Variants in ATL1 observed in about 807,000 individuals in gnomAD.
The protein encoded by ATL1 is atlastin GTPase 1.
Under a neutral mutation model 75.5 loss-of-function variants are expected in ATL1, and 31 were observed. That is an observed-to-expected ratio of 0.41 (90% CI 0.31 to 0.55). ATL1 has a LOEUF of 0.55. ATL1 is among the 20% of genes least tolerant of loss of function. The probability of loss-of-function intolerance (pLI) is 0.27; values close to 1 mark genes in which losing one functional copy is unlikely to be tolerated. For missense variants in ATL1, 405 were observed against 662.6 expected, an observed-to-expected ratio of 0.61 and a Z score of 4.27; for synonymous variants, 226 against 233.3, an observed-to-expected ratio of 0.97 and a Z score of 0.28.
chr14:50,584,900 GA>G (rs1455761725), intron 1 of ATL1, among the ~76,000 whole-genome samples: 106 of 151,946 alleles, frequency 7.0e-4, no homozygotes, highest in Non-Finnish European at 8.8e-5. Context: ...TAAGGAAAAT[GA>G]AAAGGCAAAC....
chr14:50,626,852 C>T (rs2039525729), intron 11 of ATL1, among the ~76,000 whole-genome samples: 1 of 152,192 alleles, frequency 6.6e-6, no homozygotes, highest in Non-Finnish European at 1.5e-5. Flanking sequence ...CTTATTTCTT[C>T]TAACTGCTTT....
rs115722924 is a variant in ATL1 at position 50,587,817 on chromosome 14, G to A, written c.35-14G>A. 1.5e-3 allele frequency: 2,423 copies of A among 1,614,164 alleles called. 26 individuals carry two copies. In the African/African-American group the frequency reaches 0.028, roughly 19 times the overall value. ...GAGATGATTAGCTGAACCAGTCACT[G>A]CTCTGTTCAACAGGTGGATTTTCGG... is the stretch of plus-strand genomic sequence containing the variant. On this transcript the variant is annotated splice_polypyrimidine_tract_variant and intron_variant, in intron 1 of 13. Coordinates refer to ENST00000358385, the MANE Select transcript of ATL1 (RefSeq NM_015915.5).
chr14:50,568,419 C>A (rs1282144669), intron 1 of ATL1, among the ~76,000 whole-genome samples: 1 of 151,986 alleles, frequency 6.6e-6, no homozygotes, highest in Non-Finnish European at 1.5e-5. Flanking sequence ...AAAAAAAAAC[C>A]AGTTCTTTGT....
At chr14:50,582,710 G>C (rs2039068295) in intron 1 of ATL1, among the ~76,000 whole-genome samples, 1 of 151,646 alleles carries the variant, frequency 6.6e-6, no homozygotes, top group South Asian at 2.1e-4. Context: ...ACAAGTGTAA[G>C]CCACCATGCC....
At chr14:50,629,902 C>A (rs796952643) in intron 12 of ATL1, 93 bp from the exon 13 acceptor site, 1 of 956,288 alleles carries the variant, frequency 1.0e-6, no homozygotes, top group South Asian at 1.7e-5. Context: ...GAAATGCTCA[C>A]AAATTAATAT....
chr14:50,593,794 G>A (rs111699057), intron 4 of ATL1, 52 bp from the exon 5 acceptor site: 19 of 1,208,644 alleles, frequency 1.6e-5, no homozygotes, highest in Non-Finnish European at 2.0e-5. Context: ...TGAAGTAAGT[G>A]CTTAGGATGA....
upstream of ATL1, among the ~76,000 whole-genome samples, chr14:50,558,773 C>G (rs1028679639): frequency 4.6e-5 from 7 of 152,158 alleles, no homozygotes; most frequent in Non-Finnish European, 1.0e-4. Context: ...CCACACTTCT[C>G]TTTTGTTCTA....
chr14:50,583,921 A>G (rs770276921), intron 1 of ATL1, among the ~76,000 whole-genome samples: 72 of 152,152 alleles, frequency 4.7e-4, no homozygotes, highest in Admixed American at 2.0e-3. Context: ...CTTACTTATG[A>G]CAAAGATCTC....
chr14:50,601,546 C>T (rs775462174), intron 6 of ATL1, among the ~76,000 whole-genome samples: 1 of 152,154 alleles, frequency 6.6e-6, no homozygotes, highest in Non-Finnish European at 1.5e-5. Context: ...ATGACGTCAA[C>T]CAACTTGCAA....
chr14:50,549,452 A>T (rs1006672102), intron 1 of ATL1, among the ~76,000 whole-genome samples: 2 of 152,080 alleles, frequency 1.3e-5, no homozygotes, highest in African/African-American at 4.8e-5. Flanking sequence ...TACAACCTCC[A>T]CAGGACTGAC....
chr14:50,608,856 G>C (rs2039337985), intron 6 of ATL1, among the ~76,000 whole-genome samples: 1 of 151,892 alleles, frequency 6.6e-6, no homozygotes, highest in Non-Finnish European at 1.5e-5. Flanking sequence ...ATTATATTTT[G>C]ACAAAAATTG....
At chr14:50,575,435 T>C (rs2038997215) in intron 1 of ATL1, among the ~76,000 whole-genome samples, 1 of 152,176 alleles carries the variant, frequency 6.6e-6, no homozygotes, top group South Asian at 2.1e-4. Flanking sequence ...ATATCTCTAC[T>C]GTTGCTCTAA....
chr14:50,561,761 A>G (rs2038848287), intron 1 of ATL1, among the ~76,000 whole-genome samples: 1 of 152,196 alleles, frequency 6.6e-6, no homozygotes, highest in African/African-American at 2.4e-5. Flanking sequence ...CTTCAGTTTT[A>G]ACAGACCTAC....
chr14:50,581,780 T>C (rs1490897193), intron 1 of ATL1, among the ~76,000 whole-genome samples: 3 of 152,186 alleles, frequency 2.0e-5, no homozygotes, highest in African/African-American at 7.2e-5. Context: ...TTAAAAAGAA[T>C]GTGTGGTTCT....
rs2039537732 is a variant in ATL1, at chr14:50,627,999, T to C, written c.1120-32T>C. On this transcript the variant is annotated intron_variant, in intron 11 of 13. Coordinates refer to ENST00000358385, the MANE Select transcript of ATL1 (RefSeq NM_015915.5). ...TACAGTTGCCAATTTTACTCTGCATTGCATAAACAAATACTTCTCTATCTG... is the reference window on the plus strand; with the variant it reads ...TACAGTTGCCAATTTTACTCTGCATCGCATAAACAAATACTTCTCTATCTG... The C allele has an allele frequency of 2.5e-6, 4 of 1,612,254 alleles. No homozygotes were observed. The East Asian group carries it at 6.7e-5, about 27-fold the overall frequency.
intron 1 of ATL1, among the ~76,000 whole-genome samples, chr14:50,542,298 T>TGGGGGGGGGGGGGGGGG (rs2038575088): frequency 1.3e-5 from 1 of 78,068 alleles, no homozygotes; most frequent in Non-Finnish European, 2.5e-5. Context: ...GGGGAGGGGG[T>TGGGGGGGGGGGGGGGGG]TGGGGGCAAG....
At chr14:50,569,832 A>G (rs558511370) in intron 1 of ATL1, among the ~76,000 whole-genome samples, 1 of 152,184 alleles carries the variant, frequency 6.6e-6, no homozygotes, top group South Asian at 2.1e-4. Context: ...TTTTTAGTTG[A>G]CAGGTTTTTT....
At chr14:50,549,037 A>T (rs1439343156) in intron 1 of ATL1, among the ~76,000 whole-genome samples, 1 of 152,140 alleles carries the variant, frequency 6.6e-6, no homozygotes, top group African/African-American at 2.4e-5. Flanking sequence ...TGTCTACAAC[A>T]AAGGGGTGCC....
At chr14:50,593,923 G>A in intron 5 of ATL1, 27 bp downstream of exon 5, 1 of 1,535,974 alleles carries the variant, frequency 6.5e-7, no homozygotes, top group Non-Finnish European at 9.0e-7. Context: ...TCTTTTTTGT[G>A]TATCTGGTAG....
Sources: allele counts gnomAD v4.1 joint callset (sites outside exome capture counted in the v4.1 genomes callset), GRCh38; gene constraint gnomAD v4.1.1; transcripts MANE v1.5; gene names NCBI Gene and HGNC (gene_info 2026-07-23, HGNC 2026-07-21).